TBC1D1: variants seen among roughly 807,000 people sequenced by gnomAD.
The protein encoded by TBC1D1 is TBC1 domain family member 1.
Under a neutral mutation model 125.6 loss-of-function variants are expected in TBC1D1, and 89 were observed. The ratio of observed to expected loss-of-function variants is 0.71; its 90% confidence interval spans 0.60 to 0.85. The LOEUF (loss-of-function observed/expected upper bound fraction) is 0.85, where lower values mean the gene tolerates loss of function less well. Ranked by LOEUF, TBC1D1 falls within the 40% of genes least tolerant of loss-of-function variation. The pLI, the probability that TBC1D1 is intolerant of heterozygous loss-of-function variation, is 0.00. For synonymous variants in TBC1D1, 565 were observed against 564.1 expected (o/e 1.00, Z -0.02); for missense variants, 1,377 against 1,469.2 (o/e 0.94, Z 1.03).
In TBC1D1 at chr4:37,905,331, C is replaced by T. The variant is rs150173409; in HGVS notation, c.417+2819C>T. 4.5e-3 allele frequency among the ~76,000 whole-genome samples: 679 copies of T among 152,296 alleles called. 5 individuals are homozygous for T. Among genetic ancestry groups the T allele is most frequent in the African/African-American group, 0.015 (637 of 41,572 alleles). On this transcript the variant is annotated intron_variant, in intron 2 of 19. Transcript: ENST00000261439. Reference sequence around the variant, plus strand: ...TAAGCAATGTTAACAGCCATTGAGTCGGTCTCTAAAGAACTGAGGGTCCTG... The same window carrying T: ...TAAGCAATGTTAACAGCCATTGAGTTGGTCTCTAAAGAACTGAGGGTCCTG...
chr4:38,138,867 A>T lies in TBC1D1; in HGVS notation c.*1532A>T, dbSNP rs1767017168. The T allele has an allele frequency of 6.6e-6, 1 of 152,604 alleles. No homozygotes were observed. The highest frequency in any genetic ancestry group is 1.5e-5 in the Non-Finnish European group (1 of 68,042). 9.5% of individuals were successfully genotyped at this position (152,604 alleles called of 1,614,324 possible). On this transcript the variant is annotated 3_prime_UTR_variant, in exon 20 of 20. Coordinates refer to ENST00000261439, the MANE Select transcript of TBC1D1 (RefSeq NM_015173.4). ...GAGTCTCCCCGGCCATTTCACGAGG[A>T]GACCACAGTGCTGCCACCAGTGCCT...
intron 12 of TBC1D1, among the ~76,000 whole-genome samples, chr4:38,077,917 G>A (rs1247620922): frequency 6.6e-6 from 1 of 152,122 alleles, no homozygotes; most frequent in East Asian, 1.9e-4. Flanking sequence ...TGCTTCCTGC[G>A]ATGGGGTAGG....
At chr4:38,068,613 C>T (rs1037663154) in intron 12 of TBC1D1, among the ~76,000 whole-genome samples, 4 of 152,136 alleles carry the variant, frequency 2.6e-5, no homozygotes, top group Admixed American at 1.3e-4. Flanking sequence ...CTGTGCTATC[C>T]TGTACAGTAA....
At chr4:38,112,766 G>T (rs904142794) in intron 15 of TBC1D1, among the ~76,000 whole-genome samples, 1 of 152,190 alleles carries the variant, frequency 6.6e-6, no homozygotes, top group Admixed American at 6.5e-5. Context: ...CCAGACCCTG[G>T]CTCCAGGGAC....
chr4:38,103,906 T>A (rs1760804035), intron 15 of TBC1D1, among the ~76,000 whole-genome samples: 1 of 152,156 alleles, frequency 6.6e-6, no homozygotes, highest in Admixed American at 6.5e-5. Context: ...ACGCCTGTAA[T>A]CTCAGCACTT....
intron 1 of TBC1D1, among the ~76,000 whole-genome samples, chr4:37,892,254 TA>T (rs1713495587): frequency 6.6e-6 from 1 of 152,176 alleles, no homozygotes; most frequent in African/African-American, 2.4e-5. Flanking sequence ...TTCAAACTTC[TA>T]AACTTTTTCA....
intron 18 of TBC1D1, among the ~76,000 whole-genome samples, chr4:38,125,998 A>T (rs1254421914): frequency 6.6e-6 from 1 of 152,236 alleles, no homozygotes; most frequent in African/African-American, 2.4e-5. Flanking sequence ...ACTTAATAAT[A>T]GCAATACGTT....
intron 2 of TBC1D1, 112 bp downstream of exon 2, chr4:37,902,624 A>G (rs1339096783): frequency 1.0e-5 from 9 of 869,104 alleles, no homozygotes; most frequent in Non-Finnish European, 1.5e-5. Context: ...TTAATGCTGC[A>G]GTTATAAATT....
rs1476482218 is a variant in TBC1D1 at position 38,137,534 on chromosome 4, A to G, written c.*199A>G. On this transcript the variant is annotated 3_prime_UTR_variant, in exon 20 of 20. Coordinates refer to ENST00000261439, the MANE Select transcript of TBC1D1 (RefSeq NM_015173.4). Reference sequence around the variant, plus strand: ...CCAGTGTTTTTTTTGTTGTTTTTAGATACTAAATCGTCCCTTCTCCAGTCC... The same window carrying G: ...CCAGTGTTTTTTTTGTTGTTTTTAGGTACTAAATCGTCCCTTCTCCAGTCC... 7.1e-6 allele frequency: 5 copies of G among 707,566 alleles called. No individual in the cohort carries two copies. Among genetic ancestry groups the G allele is most frequent in the Non-Finnish European group, 1.0e-5 (5 of 493,950 alleles). The allele number at this position is 707,566 out of a possible 1,614,324, so 43.8% of individuals were successfully genotyped here.
chr4:37,946,236 C>T (rs58511846), intron 2 of TBC1D1, among the ~76,000 whole-genome samples: 1 of 152,150 alleles, frequency 6.6e-6, no homozygotes, highest in East Asian at 1.9e-4. Flanking sequence ...TTACAGTTAC[C>T]TAGGAGGAAT....
chr4:37,989,238 A>G (rs1187686616), intron 2 of TBC1D1, among the ~76,000 whole-genome samples: 1 of 152,230 alleles, frequency 6.6e-6, no homozygotes, highest in Admixed American at 6.5e-5. Context: ...GTCTTCACCC[A>G]GGTTATGACC....
chr4:37,972,255 G>A (rs929082428), intron 2 of TBC1D1, among the ~76,000 whole-genome samples: 4 of 152,128 alleles, frequency 2.6e-5, no homozygotes, highest in Non-Finnish European at 5.9e-5. Flanking sequence ...GCTGAGGCGG[G>A]TGGATCACCT....
rs1758175080 is a variant in TBC1D1 at position 38,090,060 on chromosome 4, G to A, written c.2179G>A (p.Ala727Thr). The A allele has an allele frequency of 6.2e-7, 1 of 1,614,044 alleles. No individual in the cohort carries two copies. The highest frequency in any genetic ancestry group is 8.5e-7 in the Non-Finnish European group (1 of 1,179,988). Residue 727 changes from alanine to threonine, a missense_variant, in exon 13 of 20, where the codon GCT (alanine) becomes ACT (threonine). Physicochemically the swap from Ala to Thr is moderately conservative, Grantham distance 58 (BLOSUM62 0). Around this residue, in one of 3 missense-constraint regions of TBC1D1, gnomAD observed 543 missense variants for 613.5 expected, o/e 0.89. Transcript: ENST00000261439. ...TGAGCTCCGAGAGCTGTGGCAAAAGGCTATTCTTCAACAGATACTGCTGCT... is the reference window on the plus strand; with the variant it reads ...TGAGCTCCGAGAGCTGTGGCAAAAGACTATTCTTCAACAGATACTGCTGCT...
chr4:38,132,157 T>C (rs1020654474), intron 18 of TBC1D1, among the ~76,000 whole-genome samples: 7 of 152,154 alleles, frequency 4.6e-5, no homozygotes, highest in Non-Finnish European at 1.5e-5. Flanking sequence ...TGACTTCACT[T>C]TCTGAATGTG....
At chr4:37,996,991 A>G (rs1737945581) in intron 2 of TBC1D1, among the ~76,000 whole-genome samples, 1 of 152,264 alleles carries the variant, frequency 6.6e-6, no homozygotes, top group South Asian at 2.1e-4. Context: ...TATTTGAGGC[A>G]TAGCCTATAC....
chr4:38,125,081 A>C lies in TBC1D1; in HGVS notation c.3082A>C (p.Ser1028Arg), dbSNP rs1346149452. Residue 1028 changes from serine to arginine, a missense_variant, in exon 18 of 20, where the codon AGC (serine) becomes CGC (arginine). Around this residue, in one of 3 missense-constraint regions of TBC1D1, gnomAD observed 543 missense variants for 613.5 expected, o/e 0.89. Transcript: ENST00000261439. The stretch of plus-strand genomic sequence containing the variant: ...AGAAACCATAGTTGACTTTATAAAA[A>C]GCACGCTACCCAACCTTGGCTTGGT... 1.2e-6 allele frequency: 2 copies of C among 1,614,064 alleles called. No homozygotes were observed. The highest frequency in any genetic ancestry group is 1.7e-6 in the Non-Finnish European group (2 of 1,180,032).
chr4:38,110,582 A>G (rs931579128), intron 15 of TBC1D1: 6 of 985,340 alleles, frequency 6.1e-6, no homozygotes, highest in Admixed American at 1.2e-4. Context: ...TTCTCCACTT[A>G]GATCCACAAG....
intron 8 of TBC1D1, among the ~76,000 whole-genome samples, chr4:38,042,642 G>A (rs2152468057): frequency 6.6e-6 from 1 of 152,292 alleles, no homozygotes; most frequent in South Asian, 2.1e-4. Context: ...TCAGGCTGCA[G>A]GTAGAGGACC....
At chr4:38,006,264 C>T (rs181681262) in intron 2 of TBC1D1, among the ~76,000 whole-genome samples, 135 of 151,990 alleles carry the variant, frequency 8.9e-4, no homozygotes, top group African/African-American at 3.0e-3. Context: ...TTATATTACA[C>T]AGCCAAGGCC....
Sources: gnomAD v4.1 joint callset for allele counts (sites outside exome capture counted in the v4.1 genomes callset) on GRCh38, gnomAD v4.1.1 for gene constraint, gnomAD v4.1.1 regional missense constraint, MANE v1.5 for transcripts, NCBI Gene and HGNC (gene_info 2026-07-23, HGNC 2026-07-21) for gene names.